RANBP2: variants seen among roughly 807,000 people sequenced by gnomAD.
The protein encoded by RANBP2 is E3 SUMO-protein ligase RanBP2.
RANBP2 carries 57 observed loss-of-function variants against 303.6 expected under a neutral mutation model. That is an observed-to-expected ratio of 0.19 (90% CI 0.15 to 0.23). The LOEUF (loss-of-function observed/expected upper bound fraction) is 0.23. Ranked by LOEUF, RANBP2 falls within the 10% of genes least tolerant of loss-of-function variation. The pLI, the probability that RANBP2 is intolerant of heterozygous loss-of-function variation, is 1.00. For missense variants in RANBP2, 3,138 were observed against 3,780.8 expected (o/e 0.83, Z 4.46); for synonymous variants, 1,167 against 1,301.5 (o/e 0.90, Z 2.23).
chr2:109,005,477 G>T, the RANBP2 span, among the ~76,000 whole-genome samples: 1 of 152,010 alleles, frequency 6.6e-6, no homozygotes, highest in Non-Finnish European at 1.5e-5. Context: ...CCATCCTTCT[G>T]CCTGGTATGC....
Position 108,736,137 on chromosome 2 carries a change from G to C in RANBP2, c.670G>C (p.Asp224His), listed in dbSNP as rs1350698108. 1 of 1,611,908 alleles carries C rather than the reference G, an allele frequency of 6.2e-7. No homozygotes were observed. Among genetic ancestry groups the C allele is most frequent in the South Asian group, 1.1e-5 (1 of 90,984 alleles). The change falls in exon 6 of 29, where the codon GAT becomes CAT. Residue 224 changes from aspartate to histidine, a missense_variant. Transcript: ENST00000283195. The stretch of plus-strand genomic sequence containing the variant: ...GGAGTCTTTACAGTGTTTGGAGTCT[G>C]ATAAAAGTGACTGGCGAGCAACCAA... ...YLESLQCLES[D>H]KSDWRATNTD...
At chr2:109,084,499 C>T in the RANBP2 span, among the ~76,000 whole-genome samples, 1 of 152,208 alleles carries the variant, frequency 6.6e-6, no homozygotes, top group Non-Finnish European at 1.5e-5. Context: ...CATTCAGATT[C>T]CTGGAAGTCT....
chr2:109,393,113 A>T, the RANBP2 span, among the ~76,000 whole-genome samples: 1 of 152,212 alleles, frequency 6.6e-6, no homozygotes, highest in Non-Finnish European at 1.5e-5. Context: ...CAAAAGCTTC[A>T]GGCAGGCAAA....
intron 1 of RANBP2, among the ~76,000 whole-genome samples, chr2:108,727,577 A>AGTAGC (rs1430412888): frequency 4.1e-3 from 606 of 149,168 alleles, no homozygotes; most frequent in Non-Finnish European, 6.7e-3. Flanking sequence ...TATCACATGG[A>AGTAGC]TGGAACATAC....
the RANBP2 span, among the ~76,000 whole-genome samples, chr2:109,210,486 C>T: frequency 2.9e-4 from 44 of 152,204 alleles, no homozygotes; most frequent in Non-Finnish European, 4.4e-5. Flanking sequence ...GGAGCTGCAT[C>T]CCAGGGAGAC....
chr2:108,821,757 C>T, the RANBP2 span, among the ~76,000 whole-genome samples: 1 of 151,956 alleles, frequency 6.6e-6, no homozygotes, highest in Non-Finnish European at 1.5e-5. Flanking sequence ...CCAGCCTGGT[C>T]AACATGGTGA....
At chr2:109,501,521 G>C in the RANBP2 span, 1 of 778,766 alleles carries the variant, frequency 1.3e-6, no homozygotes, top group Admixed American at 1.7e-5. Flanking sequence ...TGGTGGTCTC[G>C]TACCCACCCC....
At chr2:109,092,407 T>C in the RANBP2 span, among the ~76,000 whole-genome samples, 8 of 152,156 alleles carry the variant, frequency 5.3e-5, no homozygotes, top group African/African-American at 1.9e-4. Context: ...AGGTTGATAT[T>C]GGGTGCTGAA....
chr2:108,766,172 C>G lies in RANBP2; in HGVS notation c.5633C>G (p.Ser1878Cys). Residue 1878 changes from serine to cysteine, a missense_variant, in exon 20 of 29, where the codon TCT (serine) becomes TGT (cysteine). Physicochemically the swap from Ser to Cys is moderately radical, Grantham distance 112. Coordinates refer to ENST00000283195, the MANE Select transcript of RANBP2 (RefSeq NM_006267.5). Reference protein sequence around the residue: ...NSPSFMFQGSSNTEFKSTKEG... With the variant: ...NSPSFMFQGSCNTEFKSTKEG... ...CCTTCATTTATGTTTCAGGGTTCTT[C>G]TAATACAGAATTTAAGTCAACCAAA... is the stretch of plus-strand genomic sequence containing the variant. 1 of 1,612,482 alleles carries G rather than the reference C, an allele frequency of 6.2e-7. No individual in the cohort carries two copies. The highest frequency in any genetic ancestry group is 8.5e-7 in the Non-Finnish European group (1 of 1,179,982).
At chr2:108,848,028 T>C in the RANBP2 span, among the ~76,000 whole-genome samples, 94 of 152,228 alleles carry the variant, frequency 6.2e-4, no homozygotes, top group African/African-American at 2.2e-3. Flanking sequence ...CACAGGTAAA[T>C]GGATTCTAAA....
chr2:109,324,698 C>G, the RANBP2 span, among the ~76,000 whole-genome samples: 1 of 152,250 alleles, frequency 6.6e-6, no homozygotes, highest in South Asian at 2.1e-4. Context: ...GCTGTGGATC[C>G]CTGCTGGTAG....
At chr2:108,932,914 G>C in the RANBP2 span, among the ~76,000 whole-genome samples, 1 of 152,226 alleles carries the variant, frequency 6.6e-6, no homozygotes, top group Admixed American at 6.5e-5. Context: ...CAGTCTGCAG[G>C]CCTTCCAGAG....
At chr2:109,469,749 G>A in the RANBP2 span, among the ~76,000 whole-genome samples, 1 of 152,276 alleles carries the variant, frequency 6.6e-6, no homozygotes, top group South Asian at 2.1e-4. Flanking sequence ...TGTTTTTGCT[G>A]AACAAAAGAA....
rs150309568 is a variant in RANBP2, at chr2:108,764,870, C to T, written c.4331C>T (p.Ala1444Val). 528 of 1,613,944 alleles carry T rather than the reference C, an allele frequency of 3.3e-4. 7 individuals carry two copies. The East Asian group carries it at 0.012, about 36-fold the overall frequency. ...ATTGCGTGTCAGAATACAAAATCTG[C>T]TAACAAAAGTGGATCTTCATTTGTT... The part of the protein sequence containing the change: ...RCIACQNTKS[A>V]NKSGSSFVHQ... The change falls in exon 20 of 29, where the codon GCT (alanine) becomes GTT (valine). Residue 1444 changes from alanine (A) to valine (V), a missense_variant. Physicochemically the swap from Ala to Val is moderately conservative, Grantham distance 64. Transcript: ENST00000283195.
the RANBP2 span, among the ~76,000 whole-genome samples, chr2:109,021,327 T>A: frequency 6.6e-6 from 1 of 151,822 alleles, no homozygotes; most frequent in African/African-American, 2.4e-5. Context: ...ATCGAGACCA[T>A]CCTGGCTGAC....
At chr2:109,354,567 A>G in the RANBP2 span, among the ~76,000 whole-genome samples, 1 of 152,228 alleles carries the variant, frequency 6.6e-6, no homozygotes, top group Non-Finnish European at 1.5e-5. Flanking sequence ...GAGCTCTCCA[A>G]GGTTTTCAGT....
At chr2:109,427,371 T>A in the RANBP2 span, among the ~76,000 whole-genome samples, 3 of 152,246 alleles carry the variant, frequency 2.0e-5, no homozygotes, top group Non-Finnish European at 4.4e-5. Flanking sequence ...TTTACATATA[T>A]TGGTAAACCA....
the RANBP2 span, among the ~76,000 whole-genome samples, chr2:109,283,897 C>T: frequency 9.8e-3 from 1,494 of 152,254 alleles, 26 homozygotes; most frequent in African/African-American, 0.033. Flanking sequence ...GCTGGTGAAG[C>T]GCTTATCAAA....
At chr2:108,862,663 G>A in the RANBP2 span, among the ~76,000 whole-genome samples, 1 of 152,070 alleles carries the variant, frequency 6.6e-6, no homozygotes, top group Non-Finnish European at 1.5e-5. Context: ...ATTGTACATG[G>A]TAAAGATATA....
Sources: gnomAD v4.1 joint callset for allele counts (sites outside exome capture counted in the v4.1 genomes callset) on GRCh38, gnomAD v4.1.1 for gene constraint, MANE v1.5 for transcripts, NCBI Gene and HGNC (gene_info 2026-07-23, HGNC 2026-07-21) for gene names.